CLIP4: variants seen among roughly 807,000 people sequenced by gnomAD.
CLIP4 encodes CAP-Gly domain-containing linker protein 4.
CLIP4 carries 47 observed loss-of-function variants against 73.1 expected under a neutral mutation model. The ratio of observed to expected loss-of-function variants is 0.64; its 90% CI spans 0.51 to 0.82. The LOEUF is 0.82. Ranked by LOEUF, CLIP4 falls within the 40% of genes least tolerant of loss-of-function variation. The pLI, the probability that CLIP4 is intolerant of heterozygous loss-of-function variation, is 0.00. For missense variants in CLIP4, 874 were observed against 852.9 expected, an observed-to-expected ratio of 1.02 and a Z score of -0.31; for synonymous variants, 306 against 295.4, an observed-to-expected ratio of 1.04 and a Z score of -0.37.
At chr2:29,171,502 G>T (rs1667998765) in intron 14 of CLIP4, among the ~76,000 whole-genome samples, 1 of 150,532 alleles carries the variant, frequency 6.6e-6, no homozygotes, top group African/African-American at 2.4e-5. Flanking sequence ...ATTTCTATAT[G>T]GCATATAGTT....
chr2:29,181,069 A>G (rs1486659404), intron 15 of CLIP4, among the ~76,000 whole-genome samples: 1 of 152,192 alleles, frequency 6.6e-6, no homozygotes, highest in Non-Finnish European at 1.5e-5. Flanking sequence ...CCCAAAACTT[A>G]ACTACTGATA....
chr2:29,139,220 G>A (rs1665587978), intron 6 of CLIP4, among the ~76,000 whole-genome samples: 2 of 151,898 alleles, frequency 1.3e-5, no homozygotes, highest in East Asian at 1.9e-4. Context: ...TCATGAAGGG[G>A]TGTTGGAATT....
intron 8 of CLIP4, among the ~76,000 whole-genome samples, chr2:29,151,236 C>T (rs560274628): frequency 5.3e-5 from 8 of 152,070 alleles, no homozygotes; most frequent in African/African-American, 1.7e-4. Flanking sequence ...GTTTGTCATA[C>T]CATTAAATAT....
chr2:29,151,717 T>C (rs147836133), intron 8 of CLIP4, among the ~76,000 whole-genome samples: 127 of 152,316 alleles, frequency 8.3e-4, no homozygotes, highest in Non-Finnish European at 1.3e-3. Context: ...ATTTTAGTCA[T>C]AATGTATATT....
chr2:29,130,451 A>G (rs191315936), intron 2 of CLIP4, among the ~76,000 whole-genome samples: 1 of 152,228 alleles, frequency 6.6e-6, no homozygotes, highest in Non-Finnish European at 1.5e-5. Context: ...GTCATTACTG[A>G]TTTGCTGCAA....
intron 8 of CLIP4, among the ~76,000 whole-genome samples, chr2:29,148,106 A>G (rs73920706): frequency 1.9e-3 from 285 of 152,228 alleles, no homozygotes; most frequent in African/African-American, 6.6e-3. Flanking sequence ...GTCCCCTTGT[A>G]TGTACTCAAA....
At chr2:29,116,905 GTC>G (rs1288530365) in intron 1 of CLIP4, among the ~76,000 whole-genome samples, 1 of 152,140 alleles carries the variant, frequency 6.6e-6, no homozygotes, top group Non-Finnish European at 1.5e-5. Flanking sequence ...GACCTATGTT[GTC>G]TCTCATAGCT....
intron 2 of CLIP4, among the ~76,000 whole-genome samples, chr2:29,125,070 C>A (rs1664507358): frequency 6.6e-6 from 1 of 152,050 alleles, no homozygotes; most frequent in African/African-American, 2.4e-5. Context: ...ATAGTTGGAC[C>A]CTTTGAGGTC....
intron 12 of CLIP4, 53 bp downstream of exon 12, chr2:29,160,520 T>C: frequency 6.3e-7 from 1 of 1,581,382 alleles, no homozygotes; most frequent in Non-Finnish European, 8.6e-7. Context: ...ACAAAAGGTT[T>C]AAAATTTTAC....
At chr2:29,120,633 G>C (rs1379236999) in intron 1 of CLIP4, among the ~76,000 whole-genome samples, 1 of 152,138 alleles carries the variant, frequency 6.6e-6, no homozygotes, top group Non-Finnish European at 1.5e-5. Context: ...AAGGCTTTTA[G>C]CTTCATAAGT....
upstream of CLIP4, among the ~76,000 whole-genome samples, chr2:29,110,717 C>A (rs1446165325): frequency 6.6e-6 from 1 of 152,130 alleles, no homozygotes; most frequent in African/African-American, 2.4e-5. Flanking sequence ...GAGATGGAGT[C>A]TCACTCTGTC....
intron 2 of CLIP4, chr2:29,130,054 T>G (rs1458142473): frequency 8.5e-6 from 4 of 471,008 alleles, no homozygotes; most frequent in African/African-American, 2.0e-5. Flanking sequence ...CTGAGAAGTT[T>G]CAGCAAAGGT....
At chr2:29,138,447 CTTCTG>C (rs1399519673) in intron 6 of CLIP4, among the ~76,000 whole-genome samples, 3 of 147,298 alleles carry the variant, frequency 2.0e-5, no homozygotes, top group African/African-American at 2.5e-5. Context: ...ATGCCTCTGG[CTTCTG>C]TTCTTTCTGC....
intron 9 of CLIP4, among the ~76,000 whole-genome samples, chr2:29,153,173 CA>C (rs1025198413): frequency 6.6e-6 from 1 of 151,374 alleles, no homozygotes; most frequent in African/African-American, 2.4e-5. Context: ...TCTTTTTTAC[CA>C]AAAAAAAGTC....
intron 1 of CLIP4, among the ~76,000 whole-genome samples, chr2:29,107,558 T>C (rs1333554830): frequency 1.3e-5 from 2 of 151,350 alleles, no homozygotes; most frequent in Admixed American, 6.6e-5. Context: ...ATTTTTTTAG[T>C]AGAGACAGGG....
intron 13 of CLIP4, 119 bp from the exon 14 acceptor site, chr2:29,167,357 C>T (rs894842072): frequency 3.8e-6 from 2 of 526,886 alleles, no homozygotes; most frequent in African/African-American, 3.9e-5. Flanking sequence ...TTAAAATGGA[C>T]CCTCCATAAA....
chr2:29,110,686 GTTTA>G (rs1027740354), upstream of CLIP4, among the ~76,000 whole-genome samples: 2 of 151,984 alleles, frequency 1.3e-5, no homozygotes, highest in Admixed American at 6.6e-5. Flanking sequence ...GATGATATTT[GTTTA>G]TTTATTATTA....
intron 12 of CLIP4, among the ~76,000 whole-genome samples, chr2:29,161,000 G>A (rs921882721): frequency 3.3e-5 from 5 of 151,624 alleles, no homozygotes; most frequent in Admixed American, 6.6e-5. Flanking sequence ...TTGAGACGGA[G>A]CTTCGCTCTT....
At chr2:29,175,032 A>G (rs942185216) in intron 15 of CLIP4, among the ~76,000 whole-genome samples, 2 of 152,140 alleles carry the variant, frequency 1.3e-5, no homozygotes, top group Admixed American at 6.5e-5. Context: ...GATTGGGTTT[A>G]GAGGTGCTGC....
Sources: gnomAD v4.1 joint callset for allele counts (sites outside exome capture counted in the v4.1 genomes callset) on GRCh38, gnomAD v4.1.1 for gene constraint, MANE v1.5 for transcripts, NCBI Gene and HGNC (gene_info 2026-07-23, HGNC 2026-07-21) for gene names.